NOL4: variants seen among roughly 807,000 people sequenced by gnomAD.
The protein encoded by NOL4 is nucleolar protein 4, also known as cancer/testis antigen 125.
NOL4 carries 17 observed loss-of-function variants against 75.9 expected under a neutral mutation model. The observed-to-expected ratio is 0.22, with a 90% confidence interval of 0.15 to 0.34. NOL4 has a LOEUF of 0.34. Ranked by LOEUF, NOL4 falls within the 10% of genes least tolerant of loss-of-function variation. The pLI, the probability that NOL4 is intolerant of heterozygous loss-of-function variation, is 1.00. For synonymous variants in NOL4, 292 were observed against 289.9 expected, an observed-to-expected ratio of 1.01 and a Z score of -0.07; for missense variants, 614 against 793.5, an observed-to-expected ratio of 0.77 and a Z score of 2.72.
At chr18:33,978,670 G>A (rs914315010) in intron 6 of NOL4, among the ~76,000 whole-genome samples, 1 of 152,016 alleles carries the variant, frequency 6.6e-6, no homozygotes, top group African/African-American at 2.4e-5. Context: ...ACCAAAGTCT[G>A]TGAATACTCA....
At chr18:34,055,603 C>T (rs2076802756) in intron 5 of NOL4, among the ~76,000 whole-genome samples, 1 of 152,048 alleles carries the variant, frequency 6.6e-6, no homozygotes, top group African/African-American at 2.4e-5. Context: ...GTCCTGGTTG[C>T]AGTTGGTTGA....
chr18:34,003,089 A>G (rs940692130), intron 6 of NOL4, among the ~76,000 whole-genome samples: 3 of 152,098 alleles, frequency 2.0e-5, no homozygotes, highest in African/African-American at 7.2e-5. Flanking sequence ...ATAATTTTAC[A>G]TGTTATTTTT....
chr18:34,065,488 T>C (rs1186898718), intron 5 of NOL4, among the ~76,000 whole-genome samples: 1 of 151,982 alleles, frequency 6.6e-6, no homozygotes, highest in Non-Finnish European at 1.5e-5. Context: ...ATTGTAAAAG[T>C]AACTACCCAA....
chr18:34,188,243 T>TA (rs200430274), intron 1 of NOL4, among the ~76,000 whole-genome samples: 4,078 of 151,406 alleles, frequency 0.027, 62 homozygotes, highest in African/African-American at 0.034. Flanking sequence ...AGGACTGTAG[T>TA]AAAAAAAAAT....
intron 9 of NOL4, among the ~76,000 whole-genome samples, chr18:33,928,129 G>A (rs973487844): frequency 2.0e-5 from 3 of 152,102 alleles, no homozygotes; most frequent in Admixed American, 6.6e-5. Flanking sequence ...TCAGGTCTTC[G>A]TTTATCCACT....
chr18:34,031,331 A>G (rs2075630574), intron 5 of NOL4, among the ~76,000 whole-genome samples: 1 of 152,210 alleles, frequency 6.6e-6, no homozygotes, highest in East Asian at 1.9e-4. Context: ...TTTGTAAAGC[A>G]AAACAAAACA....
intron 9 of NOL4, among the ~76,000 whole-genome samples, chr18:33,889,797 T>C (rs1486731411): frequency 6.6e-6 from 1 of 152,170 alleles, no homozygotes; most frequent in Non-Finnish European, 1.5e-5. Flanking sequence ...CACATGATTA[T>C]ATCAATAGAT....
intron 6 of NOL4, among the ~76,000 whole-genome samples, chr18:33,989,384 T>C (rs953363951): frequency 6.6e-6 from 1 of 151,892 alleles, no homozygotes; most frequent in African/African-American, 2.4e-5. Context: ...ATAGCATACA[T>C]GTATTTACAC....
chr18:34,143,271 T>C (rs935886335), intron 1 of NOL4, among the ~76,000 whole-genome samples: 6 of 152,130 alleles, frequency 3.9e-5, no homozygotes, highest in African/African-American at 1.4e-4. Flanking sequence ...ACATACATAA[T>C]ACATAAGGTT....
At chr18:33,927,757 C>A (rs1041604423) in intron 9 of NOL4, among the ~76,000 whole-genome samples, 7 of 151,774 alleles carry the variant, frequency 4.6e-5, no homozygotes, top group Non-Finnish European at 1.0e-4. Flanking sequence ...CAGTAATCTC[C>A]AGCTCTTTAG....
chr18:33,963,931 G>T (rs958404701), intron 6 of NOL4, among the ~76,000 whole-genome samples: 1 of 152,140 alleles, frequency 6.6e-6, no homozygotes, highest in Non-Finnish European at 1.5e-5. Context: ...GTTGGGAGCT[G>T]TGTCTGATAT....
chr18:34,045,433 G>A (rs1486162813), intron 5 of NOL4, among the ~76,000 whole-genome samples: 1 of 152,054 alleles, frequency 6.6e-6, no homozygotes, highest in African/African-American at 2.4e-5. Flanking sequence ...ACAGAGCACT[G>A]CTTCTACTTC....
At chr18:33,933,047 C>T (rs1441265889) in intron 9 of NOL4, among the ~76,000 whole-genome samples, 2 of 152,068 alleles carry the variant, frequency 1.3e-5, no homozygotes, top group East Asian at 3.9e-4. Flanking sequence ...ATGGTCCAGA[C>T]ATACCTCAGA....
intron 1 of NOL4, chr18:34,221,604 T>TA (rs11388127): frequency 0.42 from 57,995 of 139,226 alleles, 13,551 homozygotes; most frequent in African/African-American, 0.68. Flanking sequence ...AGTACATTGT[T>TA]AAAAAAAAAA....
At chr18:34,006,658 A>G (rs2074044595) in intron 6 of NOL4, among the ~76,000 whole-genome samples, 1 of 152,070 alleles carries the variant, frequency 6.6e-6, no homozygotes, top group Non-Finnish European at 1.5e-5. Flanking sequence ...GGGATTTCAT[A>G]TAGCATTGCT....
At chr18:34,221,921 G>C in intron 1 of NOL4, 2 of 967,198 alleles carry the variant, frequency 2.1e-6, no homozygotes, top group Non-Finnish European at 1.6e-6. Context: ...CAGTACAGGA[G>C]GGGGGAAAGG....
At chr18:33,892,854 T>C (rs2065177946) in intron 9 of NOL4, among the ~76,000 whole-genome samples, 2 of 151,922 alleles carry the variant, frequency 1.3e-5, no homozygotes, top group Non-Finnish European at 2.9e-5. Context: ...TTGTAGAGAC[T>C]GTCTCACTAT....
At chr18:34,178,928 A>G (rs1036617331) in intron 1 of NOL4, among the ~76,000 whole-genome samples, 4 of 151,690 alleles carry the variant, frequency 2.6e-5, no homozygotes, top group African/African-American at 9.7e-5. Context: ...CTCTAGGATA[A>G]GTGATATTTT....
chr18:34,203,688 CT>C, intron 1 of NOL4, among the ~76,000 whole-genome samples: 1 of 68,992 alleles, frequency 1.4e-5, no homozygotes, highest in Non-Finnish European at 3.0e-5. Context: ...CTCTCTCCCT[CT>C]CTCTCTCTCT....
Sources: gnomAD v4.1 joint callset for allele counts (sites outside exome capture counted in the v4.1 genomes callset) on GRCh38, gnomAD v4.1.1 for gene constraint, MANE v1.5 for transcripts, NCBI Gene and HGNC (gene_info 2026-07-23, HGNC 2026-07-21) for gene names.